PRKN: variants seen among roughly 807,000 people sequenced by gnomAD.
PRKN encodes E3 ubiquitin-protein ligase parkin.
A neutral mutation model predicts 59.5 loss-of-function variants in PRKN; 56 were observed. That is an observed-to-expected ratio of 0.94 (90% CI 0.76 to 1.18). The LOEUF is 1.18. Ranked by LOEUF, PRKN falls within the 50% of genes most tolerant of loss-of-function variation. The pLI is 0.00. For missense variants in PRKN, 657 were observed against 596.4 expected (o/e 1.10, Z -1.06); for synonymous variants, 250 against 222.1 (o/e 1.13, Z -1.12).
Position 161,529,972 on chromosome 6 carries a change from A to G in PRKN, c.1083+18882T>C, listed in dbSNP as rs1408240367. Among the ~76,000 whole-genome samples, 1 of 152,024 alleles carries G rather than the reference A, an allele frequency of 6.6e-6. No homozygotes were observed. Among genetic ancestry groups the G allele is most frequent in the Non-Finnish European group, 1.5e-5 (1 of 68,028 alleles). On this transcript the variant is annotated intron_variant, in intron 9 of 11. Coordinates refer to ENST00000366898, the MANE Select transcript of PRKN (RefSeq NM_004562.3). This position sits in a 1 kb window ranked among gnomAD's most constrained non-coding sequence, Gnocchi z 4.4. ...TTAATCTACTTTGTAGAGTAGTGAAACTTATTGAGCATGTTATAAAAACAA... is the reference window on the plus strand; with the variant it reads ...TTAATCTACTTTGTAGAGTAGTGAAGCTTATTGAGCATGTTATAAAAACAA...
At chr6:161,387,461 C>T (rs2114945570) in intron 9 of PRKN, among the ~76,000 whole-genome samples, 1 of 152,316 alleles carries the variant, frequency 6.6e-6, no homozygotes, top group Non-Finnish European at 1.5e-5. Context: ...TCAATTGAAC[C>T]TCTTTCCTTT....
In PRKN at chr6:161,575,867, G is replaced by C. The variant is rs1781111750; in HGVS notation, c.872-6451C>G. ...CCCCCCTAAGTACAACTTAGAAAAG[G>C]AAACCGACTAACGACAAAATGGCAT... On this transcript the variant is annotated intron_variant, in intron 7 of 11. Coordinates refer to ENST00000366898, the MANE Select transcript of PRKN (RefSeq NM_004562.3). The surrounding 1 kb of genome is among the most constrained non-coding windows in gnomAD (Gnocchi z 4.6). 6.6e-6 allele frequency among the ~76,000 whole-genome samples: 1 copy of C among 152,158 alleles called. No homozygotes were observed. Among genetic ancestry groups the C allele is most frequent in the Admixed American group, 6.5e-5 (1 of 15,276 alleles).
chr6:161,532,109 C>A (rs1025347951), intron 9 of PRKN, among the ~76,000 whole-genome samples: 8 of 151,074 alleles, frequency 5.3e-5, no homozygotes, highest in African/African-American at 1.9e-4. Context: ...TATTAAAAAT[C>A]AATCAATCTA....
chr6:162,722,983 G>A (rs1188074130), intron 1 of PRKN, among the ~76,000 whole-genome samples: 1 of 152,168 alleles, frequency 6.6e-6, no homozygotes, highest in South Asian at 2.1e-4. Flanking sequence ...GGGGTACTTA[G>A]GCATAGAGCT....
chr6:162,277,567 C>G (rs985755207), intron 2 of PRKN, among the ~76,000 whole-genome samples: 1 of 151,990 alleles, frequency 6.6e-6, no homozygotes, highest in African/African-American at 2.4e-5. Context: ...AAAAAATTAT[C>G]CAAAGCATAC....
At chr6:162,381,616 T>C (rs945238715) in intron 2 of PRKN, among the ~76,000 whole-genome samples, 16 of 152,222 alleles carry the variant, frequency 1.1e-4, no homozygotes, top group African/African-American at 3.9e-4. Context: ...AACACCACAA[T>C]ACTCTCAAAA....
At chr6:162,278,130 C>A (rs540975136) in intron 2 of PRKN, among the ~76,000 whole-genome samples, 4 of 152,146 alleles carry the variant, frequency 2.6e-5, no homozygotes, top group Admixed American at 6.5e-5. Context: ...CATGGAGGAA[C>A]CTTAAGTGCA....
chr6:162,465,175 G>A (rs555305966), intron 1 of PRKN, among the ~76,000 whole-genome samples: 3 of 152,178 alleles, frequency 2.0e-5, no homozygotes, highest in Non-Finnish European at 4.4e-5. Flanking sequence ...AGAAAAACCA[G>A]TGAAGTGGTG....
chr6:162,320,362 C>CAAAAAAAAAAAAAAAAAAAAAA (rs55793911), intron 2 of PRKN, among the ~76,000 whole-genome samples: 1 of 7,296 alleles, frequency 1.4e-4, no homozygotes, highest in African/African-American at 5.7e-4. Context: ...TACAAAAAGC[C>CAAAAAAAAAAAAAAAAAAAAAA]AAAAAAAAAA....
intron 6 of PRKN, among the ~76,000 whole-genome samples, chr6:161,877,876 C>T (rs1490655510): frequency 3.3e-5 from 5 of 152,066 alleles, no homozygotes; most frequent in Admixed American, 3.3e-4. Flanking sequence ...CTTGTAAGGT[C>T]CCCTAAATTC....
chr6:162,580,533 G>A, intron 1 of PRKN, among the ~76,000 whole-genome samples: 1 of 151,392 alleles, frequency 6.6e-6, no homozygotes, highest in South Asian at 2.1e-4. Flanking sequence ...GGGGTGACAG[G>A]GACCTGTATT....
intron 1 of PRKN, among the ~76,000 whole-genome samples, chr6:162,470,842 C>T (rs1297878434): frequency 1.3e-5 from 2 of 151,896 alleles, no homozygotes; most frequent in Non-Finnish European, 2.9e-5. Flanking sequence ...CTGCAAACTC[C>T]AGCTCCCAGT....
At chr6:161,993,944 C>T (rs1781744086) in intron 5 of PRKN, among the ~76,000 whole-genome samples, 1 of 152,074 alleles carries the variant, frequency 6.6e-6, no homozygotes. Flanking sequence ...TAATACAGCC[C>T]CTTACCTGAG....
At chr6:162,533,970 CAAAAAAAAA>C (rs139214272) in intron 1 of PRKN, among the ~76,000 whole-genome samples, 7 of 82,934 alleles carry the variant, frequency 8.4e-5, no homozygotes, top group Admixed American at 1.4e-4. Flanking sequence ...GACTCCATCT[CAAAAAAAAA>C]AAAAAAAAAG....
intron 1 of PRKN, among the ~76,000 whole-genome samples, chr6:162,466,608 A>C (rs74525401): frequency 6.6e-6 from 1 of 151,484 alleles, no homozygotes; most frequent in African/African-American, 2.4e-5. Flanking sequence ...GAGTCTCACT[A>C]TGTTGCCCAG....
intron 1 of PRKN, among the ~76,000 whole-genome samples, chr6:162,471,455 C>T (rs542485420): frequency 1.4e-4 from 22 of 152,334 alleles, no homozygotes; most frequent in African/African-American, 5.3e-4. Flanking sequence ...GTTACAATAA[C>T]TGCAGTAGAC....
At chr6:162,102,236 T>C (rs2128299402) in intron 4 of PRKN, among the ~76,000 whole-genome samples, 1 of 152,178 alleles carries the variant, frequency 6.6e-6, no homozygotes, top group South Asian at 2.1e-4. Flanking sequence ...CCCCTCCCTG[T>C]GTCCCTGTGT....
rs1233392336 is a variant in PRKN, at chr6:161,592,063, C to G, written c.872-22647G>C. On this transcript the variant is annotated intron_variant, in intron 7 of 11. Transcript: ENST00000366898. The surrounding 1 kb of genome is among the most constrained non-coding windows in gnomAD (Gnocchi z 4.8). ...TCCTCCCATATACTTAAAATCATCCCTAGATTATGTATATCTAATACAAAG... is the reference window on the plus strand; with the variant it reads ...TCCTCCCATATACTTAAAATCATCCGTAGATTATGTATATCTAATACAAAG... Among the ~76,000 whole-genome samples the G allele has an allele frequency of 6.6e-6, 1 of 152,128 alleles. No individual in the cohort carries two copies. Among genetic ancestry groups the G allele is most frequent in the Admixed American group, 6.5e-5 (1 of 15,268 alleles).
intron 4 of PRKN, among the ~76,000 whole-genome samples, chr6:162,087,474 G>A (rs1047592841): frequency 4.6e-5 from 7 of 151,896 alleles, no homozygotes; most frequent in African/African-American, 7.3e-5. Flanking sequence ...TTTAAAAATT[G>A]GGCCAGAAAC....
Sources: gnomAD v4.1 joint callset for allele counts (sites outside exome capture counted in the v4.1 genomes callset) on GRCh38, gnomAD v4.1.1 for gene constraint, Gnocchi (gnomAD v3.1) non-coding constraint, MANE v1.5 for transcripts, NCBI Gene and HGNC (gene_info 2026-07-23, HGNC 2026-07-21) for gene names.